The following NKD1 variants were observed in gnomAD, a reference collection of about 807,000 sequenced individuals.
The protein encoded by NKD1 is NKD inhibitor of Wnt signaling pathway 1, also known as protein naked cuticle homolog 1.
A neutral mutation model predicts 56.0 loss-of-function variants in NKD1; 21 were observed. The ratio of observed to expected loss-of-function variants is 0.38; its 90% CI spans 0.27 to 0.54. The LOEUF is 0.54. Among genes scored for constraint, NKD1 ranks in the 20% least tolerant of loss-of-function variants. The pLI is 0.82. For synonymous variants in NKD1, 263 were observed against 265.7 expected, an observed-to-expected ratio of 0.99 and a Z score of 0.10; for missense variants, 578 against 642.7, an observed-to-expected ratio of 0.90 and a Z score of 1.09.
intron 6 of NKD1, among the ~76,000 whole-genome samples, chr16:50,627,023 G>T (rs765779183): frequency 2.3e-4 from 35 of 152,076 alleles, no homozygotes; most frequent in Non-Finnish European, 3.8e-4. Context: ...GGTTAACAAG[G>T]TCACCTCCTC....
intron 3 of NKD1, chr16:50,562,211 T>G: frequency 2.0e-5 from 12 of 593,452 alleles, no homozygotes; most frequent in Non-Finnish European, 2.5e-5. Flanking sequence ...AAAGAGACCC[T>G]GAGACGCTGC....
intron 4 of NKD1, among the ~76,000 whole-genome samples, chr16:50,608,664 A>G (rs949589414): frequency 3.9e-5 from 6 of 152,148 alleles, no homozygotes. Context: ...TCTGGGGATA[A>G]TAAGAGTAGC....
chr16:50,633,792 CAGGGCCCCACCCTGCCATATGA>C lies in NKD1; in HGVS notation c.*15_*36del, dbSNP rs1192831546. 1 of 1,408,080 alleles carries C rather than the reference CAGGGCCCCACCCTGCCATATGA, an allele frequency of 7.1e-7. No individual in the cohort carries two copies. The highest frequency in any genetic ancestry group is 2.6e-5 in the Admixed American group (1 of 38,512). The allele number at this position is 1,408,080 out of a possible 1,614,324, so 87.2% of individuals were successfully genotyped here. A position where few individuals can be genotyped will look rare whatever the true frequency, so the allele number is the denominator to read the frequency against. ...TTCTACCAGACATAGAGCCCCTCCC[CAGGGCCCCACCCTGCCATATGA>C]AGGACCCCACCCCCGACACCACAAG... is the stretch of plus-strand genomic sequence containing the variant. On this transcript the variant is annotated 3_prime_UTR_variant, in exon 10 of 10. Transcript: ENST00000268459. This position sits in a 1 kb window ranked among gnomAD's most constrained non-coding sequence, Gnocchi z 4.9.
intron 3 of NKD1, among the ~76,000 whole-genome samples, chr16:50,583,833 AT>A (rs1330512818): frequency 6.6e-6 from 1 of 152,166 alleles, no homozygotes. Context: ...ATGTGGCTTG[AT>A]CCCTTCATGG....
intron 3 of NKD1, among the ~76,000 whole-genome samples, chr16:50,562,818 G>A (rs1960664093): frequency 6.6e-6 from 1 of 152,134 alleles, no homozygotes; most frequent in Non-Finnish European, 1.5e-5. Context: ...CGACCCTACA[G>A]AGAAGCCAGT....
intron 4 of NKD1, among the ~76,000 whole-genome samples, chr16:50,616,470 C>T (rs1392456042): frequency 6.6e-6 from 1 of 152,196 alleles, no homozygotes; most frequent in Non-Finnish European, 1.5e-5. Flanking sequence ...TGGCACTTCC[C>T]AGTCTCCATC....
chr16:50,559,530 A>T (rs1195004267), intron 3 of NKD1, among the ~76,000 whole-genome samples: 1 of 152,140 alleles, frequency 6.6e-6, no homozygotes, highest in East Asian at 1.9e-4. Flanking sequence ...TTGGAACCAC[A>T]TTCCAGTCTC....
intron 4 of NKD1, 60 bp downstream of exon 4, chr16:50,608,420 C>A: frequency 1.7e-6 from 2 of 1,201,944 alleles, no homozygotes; most frequent in Admixed American, 3.4e-5. Context: ...GGGTGTTCAG[C>A]TGGCCGTGTG....
At chr16:50,591,304 T>G (rs921145944) in intron 3 of NKD1, among the ~76,000 whole-genome samples, 2 of 152,200 alleles carry the variant, frequency 1.3e-5, no homozygotes, top group Admixed American at 6.5e-5. Flanking sequence ...GTGGGCAGGG[T>G]GTCTGGCGCT....
intron 2 of NKD1, 68 bp downstream of exon 2, chr16:50,548,817 C>G (rs575946710): frequency 7.5e-7 from 1 of 1,330,070 alleles, no homozygotes; most frequent in Non-Finnish European, 9.6e-7. Context: ...GCAGAACGGC[C>G]CAGCCCGCCA....
chr16:50,560,452 T>G (rs147900844), intron 3 of NKD1, among the ~76,000 whole-genome samples: 1 of 152,238 alleles, frequency 6.6e-6, no homozygotes, highest in Non-Finnish European at 1.5e-5. Context: ...CTCAGAGCAC[T>G]GTTATGAGGC....
At chr16:50,628,227 A>G (rs1962266453) in intron 6 of NKD1, among the ~76,000 whole-genome samples, 2 of 152,202 alleles carry the variant, frequency 1.3e-5, no homozygotes, top group South Asian at 2.1e-4. Context: ...AAGATCCTGG[A>G]TTTCTGGCTT....
intron 4 of NKD1, among the ~76,000 whole-genome samples, chr16:50,614,714 A>C (rs758713350): frequency 6.6e-6 from 1 of 152,182 alleles, no homozygotes; most frequent in Non-Finnish European, 1.5e-5. Flanking sequence ...TCCTTAGCTC[A>C]TGTCCAGAAA....
At chr16:50,570,749 C>T (rs770272104) in intron 3 of NKD1, 30 of 922,726 alleles carry the variant, frequency 3.3e-5, no homozygotes, top group Admixed American at 1.2e-4. Context: ...GGAGGCAGAA[C>T]GGGGTAGGAC....
chr16:50,567,860 G>A (rs540616524), intron 3 of NKD1, among the ~76,000 whole-genome samples: 2 of 152,360 alleles, frequency 1.3e-5, no homozygotes, highest in East Asian at 1.9e-4. Context: ...GGCCTGTCTC[G>A]GGTAGACATG....
At chr16:50,579,777 C>T (rs1381855624) in intron 3 of NKD1, among the ~76,000 whole-genome samples, 2 of 152,128 alleles carry the variant, frequency 1.3e-5, no homozygotes, top group African/African-American at 2.4e-5. Context: ...CCGCTACACA[C>T]GCACTCTAAC....
Position 50,633,481 on chromosome 16 carries a change from G to A in NKD1, c.1113G>A (p.Leu371=). 1 of 1,609,490 alleles carries A rather than the reference G, an allele frequency of 6.2e-7. No homozygotes were observed. Among genetic ancestry groups the A allele is most frequent in the East Asian group, 2.2e-5 (1 of 44,832 alleles). Residue 371 remains leucine, a synonymous_variant, in exon 10 of 10, where the codon CTG becomes CTA. Transcript: ENST00000268459. The surrounding 1 kb of genome is among the most constrained non-coding windows in gnomAD (Gnocchi z 4.9). ...VARGARNKPP[L]GPAIPAVSPS... ...GAGGGGCAAGAAACAAGCCCCCTCT[G>A]GGACCCGCCATCCCTGCGGTGTCCC...
intron 3 of NKD1, among the ~76,000 whole-genome samples, chr16:50,563,067 T>C (rs1255393477): frequency 1.3e-5 from 2 of 149,702 alleles, no homozygotes; most frequent in African/African-American, 4.9e-5. Flanking sequence ...TAGAACTTTC[T>C]GATGATGGAA....
chr16:50,589,229 CT>C (rs990056863), intron 3 of NKD1, among the ~76,000 whole-genome samples: 1 of 152,106 alleles, frequency 6.6e-6, no homozygotes, highest in African/African-American at 2.4e-5. Context: ...CTAAGTTCCC[CT>C]TTTTAATACT....
Sources: gnomAD v4.1 joint callset for allele counts (sites outside exome capture counted in the v4.1 genomes callset) on GRCh38, gnomAD v4.1.1 for gene constraint, Gnocchi (gnomAD v3.1) non-coding constraint, MANE v1.5 for transcripts, NCBI Gene and HGNC (gene_info 2026-07-23, HGNC 2026-07-21) for gene names.